The following LPCAT2 variants were observed in gnomAD, a reference collection of about 807,000 sequenced individuals.
LPCAT2 encodes the protein lysophosphatidylcholine acyltransferase 2, also known as 1-AGP acyltransferase 11.
In LPCAT2, 58 loss-of-function variants were observed where a neutral mutation model predicts 64.7. The ratio of observed to expected loss-of-function variants is 0.90; its 90% CI spans 0.73 to 1.12. The LOEUF is 1.12. Ranked by LOEUF, LPCAT2 falls within the 50% of genes most tolerant of loss-of-function variation. The pLI, the probability that LPCAT2 is intolerant of heterozygous loss-of-function variation, is 0.00. For synonymous variants in LPCAT2, 252 were observed against 245.3 expected (o/e 1.03, Z -0.26); for missense variants, 579 against 669.8 (o/e 0.86, Z 1.50).
At chr16:55,576,410 A>C (rs1413624341) in intron 12 of LPCAT2, among the ~76,000 whole-genome samples, 1 of 151,886 alleles carries the variant, frequency 6.6e-6, no homozygotes, top group African/African-American at 2.4e-5. Flanking sequence ...TTAGAGTTAG[A>C]ATATTAGTCA....
At chr16:55,521,907 T>C (rs578155679) in intron 1 of LPCAT2, among the ~76,000 whole-genome samples, 1 of 150,922 alleles carries the variant, frequency 6.6e-6, no homozygotes, top group East Asian at 1.9e-4. Flanking sequence ...TGGTAAAATA[T>C]TGAATCTGTT....
At chr16:55,535,343 A>C (rs1264315148) in intron 7 of LPCAT2, among the ~76,000 whole-genome samples, 1 of 152,208 alleles carries the variant, frequency 6.6e-6, no homozygotes, top group Non-Finnish European at 1.5e-5. Flanking sequence ...CCAACTTCTG[A>C]AATCAAAACT....
Position 55,572,914 on chromosome 16 carries a change from CAAAT to C in LPCAT2, c.1216-1713_1216-1710del, listed in dbSNP as rs559623879. Among the ~76,000 whole-genome samples, 22 of 152,136 alleles carry C rather than the reference CAAAT, an allele frequency of 1.4e-4. No homozygotes were observed. The South Asian group carries it at 4.4e-3, about 30-fold the overall frequency. On this transcript the variant is annotated intron_variant, in intron 11 of 13. Transcript: ENST00000262134. ...TGGTTGAATGTAAATGTAATCAACACAAATAAAGCTGATTAAAGAAAAGGAAAAA... is the reference window on the plus strand; with the variant it reads ...TGGTTGAATGTAAATGTAATCAACACAAAGCTGATTAAAGAAAAGGAAAAA...
chr16:55,562,320 G>T (rs971548945), intron 11 of LPCAT2, among the ~76,000 whole-genome samples: 30 of 151,868 alleles, frequency 2.0e-4, no homozygotes, highest in Admixed American at 3.3e-4. Context: ...CTGTAGTCAG[G>T]CCTACACATG....
intron 1 of LPCAT2, among the ~76,000 whole-genome samples, chr16:55,517,838 A>G (rs1168347500): frequency 6.6e-6 from 1 of 151,124 alleles, no homozygotes; most frequent in Non-Finnish European, 1.5e-5. Context: ...GCATCTGTGA[A>G]AAATAGCTAA....
At chr16:55,521,369 A>G (rs1709420860) in intron 1 of LPCAT2, among the ~76,000 whole-genome samples, 1 of 151,828 alleles carries the variant, frequency 6.6e-6, no homozygotes, top group Admixed American at 6.6e-5. Context: ...CGTTTCGCCA[A>G]GATTATTTTA....
Position 55,579,216 on chromosome 16 carries a change from A to C in LPCAT2, c.1422A>C (p.Glu474Asp). ...TTGATGTTTCTGGTCTCTTCAAGGA[A>C]ATAGCCCAAGGGGACTCAATTTCCT... ...PDLDVSGLFK[E>D]IAQGDSISYE... Residue 474 changes from glutamate to aspartate, a missense_variant, in exon 13 of 14, where the codon GAA (glutamate) becomes GAC (aspartate). Transcript: ENST00000262134. The C allele has an allele frequency of 1.2e-6, 2 of 1,613,246 alleles. No homozygotes were observed. The highest frequency in any genetic ancestry group is 1.7e-6 in the Non-Finnish European group (2 of 1,179,526).
At position 55,583,200 on chromosome 16, in the gene LPCAT2, G is replaced by A; in HGVS notation, c.*102G>A. The A allele has an allele frequency of 1.1e-6, 1 of 895,412 alleles. No individual in the cohort carries two copies. The highest frequency in any genetic ancestry group is 1.6e-6 in the Non-Finnish European group (1 of 623,574). 55.5% of individuals were successfully genotyped at this position (895,412 alleles called of 1,614,324 possible). A position where few individuals can be genotyped will look rare whatever the true frequency, so the allele number is the denominator to read the frequency against. Reference sequence around the variant, plus strand: ...TGTGTTGGTAATGATGTTTAAAATTGAAAGATTTTTAAAACAAAAATGATA... The same window carrying A: ...TGTGTTGGTAATGATGTTTAAAATTAAAAGATTTTTAAAACAAAAATGATA... On this transcript the variant is annotated 3_prime_UTR_variant, in exon 14 of 14. Transcript: ENST00000262134.
chr16:55,540,743 G>A lies in LPCAT2; in HGVS notation c.852+3111G>A, dbSNP rs564540124. On this transcript the variant is annotated intron_variant, in intron 8 of 13. Coordinates refer to ENST00000262134, the MANE Select transcript of LPCAT2 (RefSeq NM_017839.5). ...ATAATAAGTCCCCCCTTATCTGTAGGGGATATGTTCCAAGACCCCCAGTGA... is the reference window on the plus strand; with the variant it reads ...ATAATAAGTCCCCCCTTATCTGTAGAGGATATGTTCCAAGACCCCCAGTGA... 15 of 195,808 alleles carry A rather than the reference G, an allele frequency of 7.7e-5. No individual in the cohort carries two copies. The South Asian group carries it at 1.9e-3, about 25-fold the overall frequency. The allele number at this position is 195,808 out of a possible 1,614,324, so 12.1% of individuals were successfully genotyped here.
intron 4 of LPCAT2, 39 bp downstream of exon 4, chr16:55,529,986 T>G (rs758681076): frequency 3.4e-6 from 5 of 1,450,992 alleles, no homozygotes; most frequent in Non-Finnish European, 4.7e-6. Context: ...ATAGTGGGAG[T>G]TTATTAATTG....
At position 55,550,975 on chromosome 16, in the gene LPCAT2, A is replaced by C; in HGVS notation, c.1088A>C (p.His363Pro). The C allele has an allele frequency of 6.2e-7, 1 of 1,606,262 alleles. No individual in the cohort carries two copies. Residue 363 changes from histidine (H) to proline (P), a missense_variant, in exon 11 of 14, where the codon CAT (histidine) becomes CCT (proline). His to Pro is a moderately conservative substitution (Grantham distance 77). Transcript: ENST00000262134. ...TTAGATTGGGATGGTGTTCGTAAGC[A>C]TTTGGATGAATATGCATCTATTGCG... ...LKLDWDGVRKHLDEYASIASS... is the reference protein window; with the variant it reads ...LKLDWDGVRKPLDEYASIASS...
At chr16:55,539,714 C>A (rs905566812) in intron 8 of LPCAT2, 2 of 152,096 alleles carry the variant, frequency 1.3e-5, no homozygotes, top group Non-Finnish European at 1.5e-5. Flanking sequence ...TCTGCTGAGG[C>A]CCAGCTTGAG....
At position 55,545,778 on chromosome 16, in the gene LPCAT2, C is replaced by G; in HGVS notation, c.896C>G (p.Pro299Arg). 3 of 1,612,908 alleles carry G rather than the reference C, an allele frequency of 1.9e-6. No homozygotes were observed. Among genetic ancestry groups the G allele is most frequent in the Non-Finnish European group, 2.5e-6 (3 of 1,179,390 alleles). Residue 299 changes from proline (P) to arginine (R), a missense_variant, in exon 9 of 14, where the codon CCT (proline) becomes CGT (arginine). Transcript: ENST00000262134. ...CCAAATGATGAAGAAAAAAATGATC[C>G]TGTCCTTTTTGCCAATAAAGTCCGG... ...QVPNDEEKND[P>R]VLFANKVRNL...
Position 55,574,725 on chromosome 16 carries a change from TTAAGG to T in LPCAT2, c.1313_1314+3del. On this transcript the variant is annotated splice_donor_variant and coding_sequence_variant, in exon 12 of 14. Transcript: ENST00000262134. LOFTEE classifies it high-confidence loss of function. Reference sequence around the variant, plus strand: ...ACAGAGGAGATCATCCAGGTGGCATTTAAGGTACTGTCAGCCCCATTGAAAGCATC... The same window carrying T: ...ACAGAGGAGATCATCCAGGTGGCATTTACTGTCAGCCCCATTGAAAGCATC... 1 of 1,612,856 alleles carries T rather than the reference TTAAGG, an allele frequency of 6.2e-7. No homozygotes were observed. The highest frequency in any genetic ancestry group is 8.5e-7 in the Non-Finnish European group (1 of 1,179,040).
At chr16:55,559,567 T>G (rs1412789418) in intron 11 of LPCAT2, among the ~76,000 whole-genome samples, 1 of 152,176 alleles carries the variant, frequency 6.6e-6, no homozygotes, top group Non-Finnish European at 1.5e-5. Flanking sequence ...CTGCTCATGC[T>G]GAGAGTTAGG....
At chr16:55,578,618 A>G (rs1448745625) in intron 12 of LPCAT2, among the ~76,000 whole-genome samples, 2 of 152,028 alleles carry the variant, frequency 1.3e-5, no homozygotes, top group African/African-American at 2.4e-5. Flanking sequence ...CTCTGCCTCA[A>G]AGTTTTCTCA....
chr16:55,554,985 C>T (rs1049623394), intron 11 of LPCAT2, among the ~76,000 whole-genome samples: 1 of 152,062 alleles, frequency 6.6e-6, no homozygotes, highest in Non-Finnish European at 1.5e-5. Flanking sequence ...GTTTGTAGTG[C>T]TCCAAAACAA....
intron 8 of LPCAT2, chr16:55,540,488 A>G (rs1477378859): frequency 6.6e-6 from 1 of 152,230 alleles, no homozygotes; most frequent in African/African-American, 2.4e-5. Flanking sequence ...ACATGAATTA[A>G]GAGTCTGTTA....
intron 1 of LPCAT2, among the ~76,000 whole-genome samples, chr16:55,511,107 C>T (rs1242020949): frequency 1.3e-5 from 2 of 152,078 alleles, no homozygotes; most frequent in African/African-American, 4.8e-5. Context: ...TCGTCTATTA[C>T]ATTGGAATAT....
Sources: allele counts gnomAD v4.1 joint callset (sites outside exome capture counted in the v4.1 genomes callset), GRCh38; gene constraint gnomAD v4.1.1; transcripts MANE v1.5; gene names NCBI Gene and HGNC (gene_info 2026-07-23, HGNC 2026-07-21).